FDFT1: variants seen among roughly 807,000 people sequenced by gnomAD.
FDFT1 encodes squalene synthase.
Under a neutral mutation model 46.8 loss-of-function variants are expected in FDFT1, and 68 were observed. The observed-to-expected ratio is 1.45, with a 90% CI of 1.19 to 1.78. The LOEUF is 1.78. Among genes scored for constraint, FDFT1 ranks in the 40% most tolerant of loss-of-function variants. The pLI is 0.00. For missense variants in FDFT1, 928 were observed against 524.4 expected, an observed-to-expected ratio of 1.77 and a Z score of -7.52; for synonymous variants, 351 against 185.1, an observed-to-expected ratio of 1.90 and a Z score of -7.28.
At chr8:11,806,629 A>C (rs187266629) in intron 1 of FDFT1, among the ~76,000 whole-genome samples, 1 of 152,214 alleles carries the variant, frequency 6.6e-6, no homozygotes, top group African/African-American at 2.4e-5. Context: ...TCACCCCGAA[A>C]CTGTTAGTTG....
At chr8:11,833,225 C>A (rs1232686861) in intron 7 of FDFT1, among the ~76,000 whole-genome samples, 1 of 152,108 alleles carries the variant, frequency 6.6e-6, no homozygotes, top group African/African-American at 2.4e-5. Flanking sequence ...TTACTTTGAT[C>A]TATGTGCCTG....
intron 7 of FDFT1, among the ~76,000 whole-genome samples, chr8:11,835,678 C>CA (rs1401755765): frequency 6.6e-6 from 1 of 151,956 alleles, no homozygotes. Context: ...AACAGGCTAA[C>CA]AAAGTACAAG....
rs952736548 is a variant in FDFT1, at chr8:11,808,679, G to A, written c.100-115G>A. ...CCTGCAAGGACTGGCCTCGGGGAGA[G>A]GGCGGCAGGCTGTGGAGCCGCCTGC... On this transcript the variant is annotated intron_variant, in intron 1 of 7. Coordinates refer to ENST00000220584, the MANE Select transcript of FDFT1 (RefSeq NM_004462.5). The A allele has an allele frequency of 4.7e-6, 7 of 1,492,440 alleles. No individual in the cohort carries two copies. The African/African-American group carries it at 5.6e-5, about 12-fold the overall frequency. 92.4% of individuals were successfully genotyped at this position (1,492,440 alleles called of 1,614,324 possible).
Position 11,820,383 on chromosome 8 carries a change from C to G in FDFT1, c.382-1367C>G, listed in dbSNP as rs191629944. 2.1e-3 allele frequency among the ~76,000 whole-genome samples: 325 copies of G among 152,338 alleles called. 1 individual carries two copies. The highest frequency in any genetic ancestry group is 7.4e-3 in the African/African-American group (307 of 41,580). ...GGGAGAACCACTGCTCTCTTCAGAG[C>G]TGTCAGGCAGGGATGTTTAAATCTG... is the stretch of plus-strand genomic sequence containing the variant. On this transcript the variant is annotated intron_variant, in intron 3 of 7. Transcript: ENST00000220584.
chr8:11,838,051 C>T (rs1367230919), intron 7 of FDFT1, among the ~76,000 whole-genome samples: 7 of 152,218 alleles, frequency 4.6e-5, no homozygotes, highest in Admixed American at 2.6e-4. Context: ...TGCCTGTCTA[C>T]GTGAACTATG....
intron 1 of FDFT1, chr8:11,803,190 C>A (rs946132394): frequency 1.4e-6 from 2 of 1,407,552 alleles, no homozygotes; most frequent in Middle Eastern, 1.9e-4. Context: ...GTTGCGCTCC[C>A]CGTTTCGTCC....
At chr8:11,805,325 G>A (rs538691136) in intron 1 of FDFT1, among the ~76,000 whole-genome samples, 1 of 152,258 alleles carries the variant, frequency 6.6e-6, no homozygotes, top group African/African-American at 2.4e-5. Context: ...TAGTAAACTT[G>A]ATTTACACTG....
chr8:11,801,090 G>C (rs144655864), upstream of FDFT1, among the ~76,000 whole-genome samples: 10 of 152,180 alleles, frequency 6.6e-5, no homozygotes, highest in Non-Finnish European at 1.2e-4. Flanking sequence ...GATGAGGTGT[G>C]AGCAGACTCG....
chr8:11,823,173 C>G lies in FDFT1; in HGVS notation c.510+1295C>G, dbSNP rs551059236. ...GTTTTGCCATGTTGCCCAGGCTAGT[C>G]TCAAACTCCTGGCATCAAACAGTCC... On this transcript the variant is annotated intron_variant, in intron 4 of 7. Transcript: ENST00000220584. Among the ~76,000 whole-genome samples the G allele has an allele frequency of 8.5e-5, 13 of 152,202 alleles. No homozygotes were observed. The East Asian group carries it at 1.7e-3, about 20-fold the overall frequency.
intron 3 of FDFT1, among the ~76,000 whole-genome samples, chr8:11,814,987 T>G (rs1041859757): frequency 1.3e-5 from 2 of 152,204 alleles, no homozygotes; most frequent in Non-Finnish European, 2.9e-5. Flanking sequence ...TCATTTACAT[T>G]AGGTATTTCT....
chr8:11,798,741 AC>A (rs1411338228), upstream of FDFT1, among the ~76,000 whole-genome samples: 1 of 152,202 alleles, frequency 6.6e-6, no homozygotes, highest in Non-Finnish European at 1.5e-5. Flanking sequence ...CTCATTGAGC[AC>A]CCAATAAATA....
chr8:11,802,198 C>T (rs189422108), upstream of FDFT1: 259 of 428,878 alleles, frequency 6.0e-4, no homozygotes, highest in African/African-American at 4.3e-3. Context: ...GGGCTGTGCT[C>T]GGGTGTGTTA....
intron 4 of FDFT1, among the ~76,000 whole-genome samples, chr8:11,822,171 T>C (rs1370612638): frequency 1.3e-5 from 2 of 152,126 alleles, no homozygotes; most frequent in Admixed American, 1.3e-4. Context: ...AAACATAAGG[T>C]AGGGTTAGGA....
chr8:11,825,454 C>G (rs958940155), intron 4 of FDFT1, among the ~76,000 whole-genome samples: 4 of 149,652 alleles, frequency 2.7e-5, no homozygotes, highest in African/African-American at 9.8e-5. Flanking sequence ...GCAGGAGAAT[C>G]ACTTGAACCC....
upstream of FDFT1, among the ~76,000 whole-genome samples, chr8:11,798,706 T>C (rs1805810932): frequency 6.6e-6 from 1 of 152,236 alleles, no homozygotes; most frequent in African/African-American, 2.4e-5. Context: ...CATCGTGTCC[T>C]ATACGCAGCT....
intron 1 of FDFT1, among the ~76,000 whole-genome samples, chr8:11,806,862 T>C (rs1806910430): frequency 6.6e-6 from 1 of 152,266 alleles, no homozygotes; most frequent in Non-Finnish European, 1.5e-5. Context: ...CACTTCTGAA[T>C]ATATTTATGT....
chr8:11,827,631 C>G (rs1453004580), intron 5 of FDFT1, among the ~76,000 whole-genome samples: 8 of 151,926 alleles, frequency 5.3e-5, no homozygotes, highest in Admixed American at 1.3e-4. Context: ...GGCCAACTGC[C>G]CCACAGAAAA....
At chr8:11,805,869 A>G (rs1806765301) in intron 1 of FDFT1, among the ~76,000 whole-genome samples, 1 of 152,226 alleles carries the variant, frequency 6.6e-6, no homozygotes, top group Non-Finnish European at 1.5e-5. Context: ...CAGATGTTTC[A>G]GTGGACTATG....
upstream of FDFT1, among the ~76,000 whole-genome samples, chr8:11,799,969 A>G (rs1444267660): frequency 6.7e-6 from 1 of 149,816 alleles, no homozygotes; most frequent in African/African-American, 2.5e-5. Flanking sequence ...ATGAAGAAGA[A>G]ATAGCACTCG....
Sources: allele counts gnomAD v4.1 joint callset (sites outside exome capture counted in the v4.1 genomes callset), GRCh38; gene constraint gnomAD v4.1.1; transcripts MANE v1.5; gene names NCBI Gene and HGNC (gene_info 2026-07-23, HGNC 2026-07-21).